The following PDE4B variants were observed in gnomAD, a reference collection of about 807,000 sequenced individuals.
PDE4B encodes phosphodiesterase 4B, also known as 3',5'-cyclic-AMP phosphodiesterase 4B.
A neutral mutation model predicts 82.2 loss-of-function variants in PDE4B; 20 were observed. The ratio of observed to expected loss-of-function variants is 0.24; its 90% CI spans 0.17 to 0.35. The LOEUF is 0.35. Ranked by LOEUF, PDE4B falls within the 10% of genes least tolerant of loss-of-function variation. The pLI, the probability that PDE4B is intolerant of heterozygous loss-of-function variation, is 1.00. For missense variants in PDE4B, 655 were observed against 907.2 expected (o/e 0.72, Z 3.57); for synonymous variants, 320 against 318.9 (o/e 1.00, Z -0.04).
intron 6 of PDE4B, among the ~76,000 whole-genome samples, chr1:66,262,805 A>T (rs512126): frequency 0.012 from 1,824 of 152,334 alleles, 32 homozygotes; most frequent in African/African-American, 0.042. Flanking sequence ...GCTTATCTGA[A>T]TTGACAACTC....
intron 3 of PDE4B, among the ~76,000 whole-genome samples, chr1:65,920,852 T>C (rs1647223018): frequency 6.6e-6 from 1 of 151,834 alleles, no homozygotes; most frequent in African/African-American, 2.4e-5. Flanking sequence ...AATTCATTTA[T>C]AACATGTGTG....
chr1:65,987,190 T>C (rs1441752352), intron 3 of PDE4B, among the ~76,000 whole-genome samples: 1 of 152,162 alleles, frequency 6.6e-6, no homozygotes, highest in African/African-American at 2.4e-5. Flanking sequence ...GGACCATCTC[T>C]AAGAAACATG....
intron 3 of PDE4B, among the ~76,000 whole-genome samples, chr1:65,947,435 G>C (rs982910316): frequency 2.0e-5 from 3 of 151,968 alleles, no homozygotes; most frequent in African/African-American, 7.2e-5. Context: ...AAGACTTGGA[G>C]GGTGGCACTA....
At chr1:66,152,922 A>C (rs2101206387) in intron 3 of PDE4B, among the ~76,000 whole-genome samples, 1 of 152,230 alleles carries the variant, frequency 6.6e-6, no homozygotes. Flanking sequence ...GAGACCCCAC[A>C]TGCATTATTG....
chr1:66,274,159 G>T (rs920581419), intron 7 of PDE4B, among the ~76,000 whole-genome samples: 1 of 149,528 alleles, frequency 6.7e-6, no homozygotes, highest in East Asian at 2.0e-4. Flanking sequence ...TCTGAAAAAT[G>T]GGCATTTTTT....
At chr1:66,131,252 G>A (rs1167697641) in intron 3 of PDE4B, among the ~76,000 whole-genome samples, 1 of 152,084 alleles carries the variant, frequency 6.6e-6, no homozygotes, top group Non-Finnish European at 1.5e-5. Flanking sequence ...TGGAAGTATT[G>A]ACAACTAGAA....
At chr1:66,319,768 G>A (rs1242214235) in intron 7 of PDE4B, among the ~76,000 whole-genome samples, 1 of 152,200 alleles carries the variant, frequency 6.6e-6, no homozygotes, top group African/African-American at 2.4e-5. Context: ...AAGAGATAAT[G>A]CATAAGAAAG....
chr1:66,308,620 T>A (rs1452055212), intron 7 of PDE4B, among the ~76,000 whole-genome samples: 2 of 152,188 alleles, frequency 1.3e-5, no homozygotes, highest in Non-Finnish European at 2.9e-5. Flanking sequence ...CTTTTTAATA[T>A]CTGGGCATTT....
chr1:65,862,884 A>ATCAG (rs1173149373), intron 1 of PDE4B, among the ~76,000 whole-genome samples: 2 of 152,150 alleles, frequency 1.3e-5, no homozygotes, highest in East Asian at 3.9e-4. Flanking sequence ...TTTCTGAGGG[A>ATCAG]TCAGTGGTGA....
intron 3 of PDE4B, among the ~76,000 whole-genome samples, chr1:66,128,349 A>G (rs1645866251): frequency 6.6e-6 from 1 of 152,202 alleles, no homozygotes; most frequent in Non-Finnish European, 1.5e-5. Flanking sequence ...GTATTTGTGT[A>G]ATTTTCATTG....
At chr1:66,228,022 C>T (rs186749063) in intron 3 of PDE4B, among the ~76,000 whole-genome samples, 1 of 152,038 alleles carries the variant, frequency 6.6e-6, no homozygotes, top group African/African-American at 2.4e-5. Flanking sequence ...CTGCTACTCA[C>T]CCCCTCACTC....
At chr1:66,337,512 G>C (rs1660620233) in intron 8 of PDE4B, among the ~76,000 whole-genome samples, 1 of 152,140 alleles carries the variant, frequency 6.6e-6, no homozygotes, top group Admixed American at 6.5e-5. Context: ...GGAGGAACTT[G>C]GGTAAGCAGG....
upstream of PDE4B, among the ~76,000 whole-genome samples, chr1:65,792,830 A>G (rs544905778): frequency 1.3e-5 from 2 of 151,866 alleles, no homozygotes; most frequent in African/African-American, 4.8e-5. Flanking sequence ...ACCAAGTGGC[A>G]CCGGCGAGCT....
intron 3 of PDE4B, among the ~76,000 whole-genome samples, chr1:66,217,466 T>G (rs1433654591): frequency 2.0e-5 from 3 of 151,890 alleles, no homozygotes; most frequent in African/African-American, 7.3e-5. Flanking sequence ...AGAAGAGAGG[T>G]GCACTGCCAT....
At chr1:65,952,264 C>T (rs185324042) in intron 3 of PDE4B, among the ~76,000 whole-genome samples, 8 of 152,066 alleles carry the variant, frequency 5.3e-5, no homozygotes, top group Admixed American at 1.3e-4. Context: ...TCAGGAAGTC[C>T]TCCTCAACTT....
intron 3 of PDE4B, among the ~76,000 whole-genome samples, chr1:66,007,991 C>G (rs192173972): frequency 6.6e-6 from 1 of 152,052 alleles, no homozygotes; most frequent in Non-Finnish European, 1.5e-5. Flanking sequence ...TTACACAACC[C>G]GCCCCATCCC....
intron 7 of PDE4B, among the ~76,000 whole-genome samples, chr1:66,267,832 C>T (rs1397202000): frequency 2.0e-5 from 3 of 152,152 alleles, no homozygotes; most frequent in Non-Finnish European, 4.4e-5. Flanking sequence ...AGACACACAT[C>T]CCTTGTTTTG....
intron 3 of PDE4B, among the ~76,000 whole-genome samples, chr1:66,063,988 A>G (rs1655714133): frequency 6.6e-6 from 1 of 151,970 alleles, no homozygotes; most frequent in South Asian, 2.1e-4. Context: ...AATGTTTGGG[A>G]AAGATCAGAA....
intron 9 of PDE4B, among the ~76,000 whole-genome samples, chr1:66,359,115 A>C (rs560939335): frequency 1.3e-5 from 2 of 152,356 alleles, no homozygotes; most frequent in South Asian, 4.1e-4. Flanking sequence ...AATTTAGTTA[A>C]TATTTTCATG....
Sources: gnomAD v4.1 joint callset for allele counts (sites outside exome capture counted in the v4.1 genomes callset) on GRCh38, gnomAD v4.1.1 for gene constraint, MANE v1.5 for transcripts, NCBI Gene and HGNC (gene_info 2026-07-23, HGNC 2026-07-21) for gene names.